OGDH: variants seen among roughly 807,000 people sequenced by gnomAD.
The protein encoded by OGDH is oxoglutarate dehydrogenase.
In OGDH, 38 loss-of-function variants were observed where a neutral mutation model predicts 116.6. The ratio of observed to expected loss-of-function variants is 0.33; its 90% CI spans 0.25 to 0.43. The LOEUF is 0.43. OGDH is among the 20% of genes least tolerant of loss of function. The pLI, the probability that OGDH is intolerant of heterozygous loss-of-function variation, is 1.00. For missense variants in OGDH, 825 were observed against 1,357.2 expected (o/e 0.61, Z 6.16); for synonymous variants, 488 against 533.3 (o/e 0.92, Z 1.17).
intron 2 of OGDH, among the ~76,000 whole-genome samples, chr7:44,637,519 G>A (rs994503181): frequency 6.6e-6 from 1 of 152,114 alleles, no homozygotes; most frequent in East Asian, 1.9e-4. Flanking sequence ...AGAAATAATG[G>A]TATTCATTGG....
chr7:44,614,890 G>A (rs1314182536), intron 1 of OGDH, among the ~76,000 whole-genome samples: 2 of 144,922 alleles, frequency 1.4e-5, no homozygotes, highest in African/African-American at 2.6e-5. Flanking sequence ...AGGCTGGAGT[G>A]CAGTGGCGCG....
chr7:44,675,745 C>T (rs1293469706), intron 8 of OGDH, among the ~76,000 whole-genome samples: 2 of 151,818 alleles, frequency 1.3e-5, no homozygotes, highest in Non-Finnish European at 2.9e-5. Context: ...GGCGTGGTGG[C>T]GCATGCCTGT....
intron 5 of OGDH, among the ~76,000 whole-genome samples, chr7:44,669,145 C>CTTTTTTTTTGTTTTTTTTTT (rs1787315362): frequency 1.3e-5 from 1 of 77,814 alleles, no homozygotes; most frequent in Non-Finnish European, 2.2e-5. Flanking sequence ...AGCCCGGCAG[C>CTTTTTTTTTGTTTTTTTTTT]TTTTTTTTTT....
At chr7:44,651,467 A>G (rs1268578057) in intron 4 of OGDH, among the ~76,000 whole-genome samples, 3 of 152,220 alleles carry the variant, frequency 2.0e-5, no homozygotes, top group Non-Finnish European at 1.5e-5. Flanking sequence ...TGTTATGGAC[A>G]CACTCTTGCC....
chr7:44,630,880 ATTAG>A (rs1199393538), intron 2 of OGDH, among the ~76,000 whole-genome samples: 3 of 152,166 alleles, frequency 2.0e-5, no homozygotes, highest in African/African-American at 7.2e-5. Flanking sequence ...CACATCAGGC[ATTAG>A]TTAGATTCTC....
intron 7 of OGDH, chr7:44,674,791 A>G (rs1787616443): frequency 1.9e-5 from 11 of 571,568 alleles, no homozygotes; most frequent in Non-Finnish European, 3.4e-5. Context: ...TCAGACTGGC[A>G]TTTGGCCTTA....
chr7:44,649,695 G>A (rs1202036987), intron 4 of OGDH, among the ~76,000 whole-genome samples: 1 of 152,068 alleles, frequency 6.6e-6, no homozygotes, highest in South Asian at 2.1e-4. Flanking sequence ...ATATCAAGAG[G>A]GGCCACACCT....
intron 3 of OGDH, 145 bp from the exon 4 acceptor site, chr7:44,647,512 A>C (rs1246470667): frequency 6.5e-7 from 1 of 1,542,716 alleles, no homozygotes; most frequent in South Asian, 1.2e-5. Context: ...ATGATGCTCC[A>C]GTAACTGTTT....
chr7:44,620,065 G>T (rs541279749), intron 1 of OGDH, among the ~76,000 whole-genome samples: 2 of 152,118 alleles, frequency 1.3e-5, no homozygotes, highest in Non-Finnish European at 2.9e-5. Flanking sequence ...CTGTCACTCA[G>T]GCTGGAGTGC....
intron 1 of OGDH, among the ~76,000 whole-genome samples, chr7:44,611,453 T>C (rs1011658251): frequency 2.6e-4 from 40 of 152,150 alleles, no homozygotes; most frequent in African/African-American, 9.6e-4. Context: ...TTTTTGTATT[T>C]TTTAGTAGAG....
rs1248121438 is a variant in OGDH, at chr7:44,675,894, T to C, written c.1027-76T>C. On this transcript the variant is annotated intron_variant, in intron 8 of 22. Transcript: ENST00000222673. ...CTCCATCTCAAAAAAAAAAAAAAAATTCCCGTATAAAAGGGCTCTTTTGGA... is the reference window on the plus strand; with the variant it reads ...CTCCATCTCAAAAAAAAAAAAAAAACTCCCGTATAAAAGGGCTCTTTTGGA... 2.2e-6 allele frequency: 3 copies of C among 1,366,200 alleles called. No homozygotes were observed. In the African/African-American group the frequency reaches 4.4e-5, roughly 20 times the overall value. 84.6% of individuals were successfully genotyped at this position (1,366,200 alleles called of 1,614,324 possible). A position where few individuals can be genotyped will look rare whatever the true frequency, so the allele number is the denominator to read the frequency against.
intron 5 of OGDH, among the ~76,000 whole-genome samples, chr7:44,670,648 C>A (rs1464632290): frequency 6.6e-6 from 1 of 152,190 alleles, no homozygotes; most frequent in Non-Finnish European, 1.5e-5. Context: ...GCCAACTACA[C>A]CCTCTTCTTG....
intron 10 of OGDH, 55 bp from the exon 11 acceptor site, chr7:44,693,770 G>C (rs1788463649): frequency 1.3e-6 from 2 of 1,506,392 alleles, no homozygotes; most frequent in Admixed American, 3.9e-5. Context: ...CCGCCCTCTG[G>C]TCCCTGTGCC....
intron 10 of OGDH, among the ~76,000 whole-genome samples, chr7:44,687,369 A>G (rs2116287925): frequency 6.6e-6 from 1 of 150,912 alleles, no homozygotes; most frequent in East Asian, 2.0e-4. Context: ...AAGTGCTGGG[A>G]TTACAGGCAT....
rs752412007 is a variant in OGDH at position 44,697,816 on chromosome 7, A to T, written c.2358+34A>T. On this transcript the variant is annotated intron_variant, in intron 17 of 22. Transcript: ENST00000222673. This position sits in a 1 kb window ranked among gnomAD's most constrained non-coding sequence, Gnocchi z 6.0. ...CTGGCCCTTCCCTGCCAGACCTAGG[A>T]CTTGGGAAGGGCCTGTGTAGGACCC... 6 of 1,598,080 alleles carry T rather than the reference A, an allele frequency of 3.8e-6. No homozygotes were observed. The highest frequency in any genetic ancestry group is 5.1e-6 in the Non-Finnish European group (6 of 1,172,472).
In OGDH at chr7:44,647,766, G is replaced by T; in HGVS notation, c.517+7G>T. On this transcript the variant is annotated splice_region_variant and intron_variant, in intron 4 of 22. Coordinates refer to ENST00000222673, the MANE Select transcript of OGDH (RefSeq NM_002541.4). ...TCATCCACAGACAAACTTGGTGAGG[G>T]TCTGAGAGCAGTCAGCTGCGTTGCT... 6.2e-7 allele frequency: 1 copy of T among 1,611,876 alleles called. No homozygotes were observed. The highest frequency in any genetic ancestry group is 8.5e-7 in the Non-Finnish European group (1 of 1,178,116).
At chr7:44,685,049 G>T (rs1186116700) in intron 10 of OGDH, among the ~76,000 whole-genome samples, 1 of 152,098 alleles carries the variant, frequency 6.6e-6, no homozygotes, top group Non-Finnish European at 1.5e-5. Context: ...GCCTCCTAAA[G>T]TGCTGGGATT....
chr7:44,707,397 AGGT>A lies in OGDH; in HGVS notation c.2796+14_2796+16del, dbSNP rs1562695831. On this transcript the variant is annotated intron_variant, in intron 21 of 22. Transcript: ENST00000222673. The surrounding 1 kb of genome is among the most constrained non-coding windows in gnomAD (Gnocchi z 5.2). ...TCACAAGGATTGAGCAGGTGAGGGC[AGGT>A]GGTGCCATCAGGGTGTCCCCCCAGC... 1 of 1,614,056 alleles carries A rather than the reference AGGT, an allele frequency of 6.2e-7. No homozygotes were observed. Among genetic ancestry groups the A allele is most frequent in the Non-Finnish European group, 8.5e-7 (1 of 1,179,922 alleles).
At chr7:44,610,198 C>G (rs909986616) in intron 1 of OGDH, among the ~76,000 whole-genome samples, 36 of 151,938 alleles carry the variant, frequency 2.4e-4, no homozygotes, top group Non-Finnish European at 1.2e-4. Context: ...AACTGTTGAG[C>G]TTTGAGAATT....
Sources: allele counts gnomAD v4.1 joint callset (sites outside exome capture counted in the v4.1 genomes callset), GRCh38; gene constraint gnomAD v4.1.1; non-coding constraint Gnocchi (gnomAD v3.1); transcripts MANE v1.5; gene names NCBI Gene and HGNC (gene_info 2026-07-23, HGNC 2026-07-21).